Variants in THSD7B observed in about 807,000 individuals in gnomAD.
THSD7B encodes the protein thrombospondin type 1 domain containing 7B, also known as thrombospondin type-1 domain-containing protein 7B.
THSD7B carries 138 observed loss-of-function variants against 213.6 expected under a neutral mutation model. The observed-to-expected ratio is 0.65, with a 90% CI of 0.56 to 0.74. THSD7B has a LOEUF of 0.74. THSD7B is among the 30% of genes least tolerant of loss of function. The pLI is 0.00. For missense variants in THSD7B, 1,931 were observed against 1,991.5 expected (o/e 0.97, Z 0.58); for synonymous variants, 742 against 687.0 (o/e 1.08, Z -1.25).
At chr2:137,574,421 T>C (rs1325319172) in intron 17 of THSD7B, among the ~76,000 whole-genome samples, 1 of 152,156 alleles carries the variant, frequency 6.6e-6, no homozygotes, top group Non-Finnish European at 1.5e-5. Flanking sequence ...GGAAGGTTGT[T>C]CCTTTACCTG....
intron 12 of THSD7B, among the ~76,000 whole-genome samples, chr2:137,384,917 G>A (rs1434380594): frequency 1.3e-5 from 2 of 152,150 alleles, no homozygotes; most frequent in African/African-American, 2.4e-5. Context: ...CAGGTGCCGA[G>A]ATGGGGTGGG....
chr2:137,013,060 CTA>C (rs1375516453), intron 2 of THSD7B, among the ~76,000 whole-genome samples: 1 of 152,020 alleles, frequency 6.6e-6, no homozygotes, highest in Non-Finnish European at 1.5e-5. Context: ...GTGAACAAGA[CTA>C]TGATTTTATT....
At chr2:137,467,525 G>T (rs1355374865) in intron 15 of THSD7B, among the ~76,000 whole-genome samples, 1 of 152,100 alleles carries the variant, frequency 6.6e-6, no homozygotes, top group African/African-American at 2.4e-5. Context: ...TAGTGGGAAG[G>T]TTTTTTCGTA....
At chr2:137,291,108 A>T (rs1173826842) in intron 12 of THSD7B, among the ~76,000 whole-genome samples, 2 of 152,078 alleles carry the variant, frequency 1.3e-5, no homozygotes, top group Non-Finnish European at 2.9e-5. Flanking sequence ...CTAATCCACT[A>T]GCCATTGACC....
intron 12 of THSD7B, among the ~76,000 whole-genome samples, chr2:137,364,447 G>A (rs566274847): frequency 0.048 from 7,309 of 152,222 alleles, 531 homozygotes; most frequent in African/African-American, 0.16. Context: ...AAAAGAGCAA[G>A]TCAAATTGTC....
intron 2 of THSD7B, among the ~76,000 whole-genome samples, chr2:136,977,597 T>C (rs1391829403): frequency 6.6e-6 from 1 of 152,114 alleles, no homozygotes. Flanking sequence ...TGTGGGCACT[T>C]AGTGCTATAA....
intron 9 of THSD7B, among the ~76,000 whole-genome samples, chr2:137,241,835 G>A (rs1390439534): frequency 3.3e-5 from 5 of 151,940 alleles, no homozygotes; most frequent in African/African-American, 1.2e-4. Flanking sequence ...CTTGAACTTG[G>A]GAGGTGGAGG....
intron 17 of THSD7B, among the ~76,000 whole-genome samples, chr2:137,607,602 T>G (rs754318068): frequency 8.5e-5 from 13 of 152,216 alleles, no homozygotes; most frequent in Non-Finnish European, 1.9e-4. Flanking sequence ...CTGTATTGCA[T>G]TTGAGGATCA....
At chr2:137,031,229 C>T (rs538872470) in intron 2 of THSD7B, among the ~76,000 whole-genome samples, 1 of 152,148 alleles carries the variant, frequency 6.6e-6, no homozygotes, top group South Asian at 2.1e-4. Context: ...CCTGTAATCC[C>T]AGCTACATGG....
At chr2:137,551,373 T>C (rs1406608544) in intron 15 of THSD7B, among the ~76,000 whole-genome samples, 1 of 152,146 alleles carries the variant, frequency 6.6e-6, no homozygotes, top group East Asian at 1.9e-4. Context: ...CAAATGAAAT[T>C]AAAATTTCAT....
intron 2 of THSD7B, among the ~76,000 whole-genome samples, chr2:136,919,045 T>G (rs1684393299): frequency 6.6e-6 from 1 of 152,204 alleles, no homozygotes; most frequent in Non-Finnish European, 1.5e-5. Flanking sequence ...ACAAGTGGTC[T>G]TGGTTCTAGT....
intron 1 of THSD7B, among the ~76,000 whole-genome samples, chr2:136,809,404 G>A (rs1414206256): frequency 6.6e-6 from 1 of 152,204 alleles, no homozygotes; most frequent in Non-Finnish European, 1.5e-5. Flanking sequence ...GCTAAGTGAA[G>A]ATGGTAGGAC....
chr2:137,071,482 A>G (rs1687487480), intron 3 of THSD7B, among the ~76,000 whole-genome samples: 1 of 152,128 alleles, frequency 6.6e-6, no homozygotes, highest in South Asian at 2.1e-4. Flanking sequence ...AGTAGATTGC[A>G]AAAATTTTCT....
chr2:136,840,695 G>A (rs1294937151), intron 1 of THSD7B, among the ~76,000 whole-genome samples: 1 of 152,148 alleles, frequency 6.6e-6, no homozygotes, highest in African/African-American at 2.4e-5. Context: ...GGTCACTGGA[G>A]AATTTGAAAC....
Position 137,275,966 on chromosome 2 carries a change from T to A in THSD7B, c.2440T>A (p.Ser814Thr). ...GAGCCCTTGCATCTTAGTGCCAGAG[T>A]CTGTCTGGCAGGGAATAACGGGCAG... is the stretch of plus-strand genomic sequence containing the variant. ...KWSPCILVPE[S>T]VWQGITGSSE... The change falls in exon 12 of 28, where the codon TCT becomes ACT. Residue 814 changes from serine (S) to threonine (T), a missense_variant. Physicochemically the swap from Ser to Thr is moderately conservative, Grantham distance 58. Coordinates refer to ENST00000409968, the MANE Select transcript of THSD7B (RefSeq NM_001316349.2). The A allele has an allele frequency of 6.2e-7, 1 of 1,612,238 alleles. No homozygotes were observed.
chr2:136,871,065 C>A (rs773930562), intron 1 of THSD7B, among the ~76,000 whole-genome samples: 4 of 151,898 alleles, frequency 2.6e-5, no homozygotes, highest in African/African-American at 4.8e-5. Flanking sequence ...TTTTTCGATG[C>A]GACAAAGAAG....
chr2:136,858,729 C>A (rs1305302058), intron 1 of THSD7B, among the ~76,000 whole-genome samples: 3 of 152,114 alleles, frequency 2.0e-5, no homozygotes. Flanking sequence ...TCCAGGTGAT[C>A]AGGTACTCTT....
chr2:137,075,149 G>T (rs1687591929), intron 3 of THSD7B, among the ~76,000 whole-genome samples: 1 of 152,190 alleles, frequency 6.6e-6, no homozygotes, highest in Admixed American at 6.5e-5. Flanking sequence ...CCAGATTGGG[G>T]AAAGTCTCCT....
chr2:137,056,066 A>T (rs765239265), intron 2 of THSD7B, among the ~76,000 whole-genome samples: 4 of 152,238 alleles, frequency 2.6e-5, no homozygotes, highest in Admixed American at 6.5e-5. Context: ...CGTAGTAGTT[A>T]TAATGGTACC....
Sources: gnomAD v4.1 joint callset for allele counts (sites outside exome capture counted in the v4.1 genomes callset) on GRCh38, gnomAD v4.1.1 for gene constraint, MANE v1.5 for transcripts, NCBI Gene and HGNC (gene_info 2026-07-23, HGNC 2026-07-21) for gene names.